FAXDC2: variants seen among roughly 807,000 people sequenced by gnomAD.
FAXDC2 encodes fatty acid hydroxylase domain containing 2.
Under a neutral mutation model 40.9 loss-of-function variants are expected in FAXDC2, and 41 were observed. The observed-to-expected ratio is 1.00, with a 90% CI of 0.78 to 1.30. FAXDC2 has a LOEUF of 1.30. FAXDC2 is among the 50% of genes most tolerant of loss of function. The pLI, the probability that FAXDC2 is intolerant of heterozygous loss-of-function variation, is 0.00. For missense variants in FAXDC2, 390 were observed against 408.8 expected (o/e 0.95, Z 0.40); for synonymous variants, 157 against 149.3 (o/e 1.05, Z -0.38).
intron 4 of FAXDC2, among the ~76,000 whole-genome samples, chr5:154,831,482 T>G (rs1467771071): frequency 6.6e-6 from 1 of 151,994 alleles, no homozygotes; most frequent in Non-Finnish European, 1.5e-5. Context: ...AAAGCCTCTC[T>G]CTGTCATCCA....
chr5:154,826,210 G>C (rs1363976943), intron 5 of FAXDC2, among the ~76,000 whole-genome samples: 1 of 152,084 alleles, frequency 6.6e-6, no homozygotes, highest in Non-Finnish European at 1.5e-5. Flanking sequence ...ATCAGGAAAG[G>C]GACAGTGAAA....
intron 8 of FAXDC2, 188 bp from the exon 9 acceptor site, chr5:154,820,660 C>G: frequency 4.0e-6 from 2 of 499,946 alleles, no homozygotes; most frequent in Non-Finnish European, 7.2e-6. Flanking sequence ...CACTCCAAAC[C>G]TGCAATTTGC....
intron 2 of FAXDC2, among the ~76,000 whole-genome samples, chr5:154,837,506 A>G (rs2044863307): frequency 6.6e-6 from 1 of 152,114 alleles, no homozygotes; most frequent in South Asian, 2.1e-4. Context: ...TTTTCCAGTT[A>G]TTCCTTTGTT....
Position 154,819,083 on chromosome 5 carries a change from C to T in FAXDC2, c.*1233G>A, listed in dbSNP as rs1759807901. 1 of 152,204 alleles carries T rather than the reference C, an allele frequency of 6.6e-6. No homozygotes were observed. 9.4% of individuals were successfully genotyped at this position (152,204 alleles called of 1,614,324 possible). ...GTCCTGCCTGGAGACTTGGACCTAG[C>T]TGATACTAAGGTATTTTATAAAGCT... On this transcript the variant is annotated 3_prime_UTR_variant, in exon 9 of 9. Transcript: ENST00000326080.
chr5:154,823,690 G>A, intron 5 of FAXDC2, 98 bp from the exon 6 acceptor site: 1 of 999,846 alleles, frequency 1.0e-6, no homozygotes, highest in Non-Finnish European at 1.5e-6. Flanking sequence ...TTGGATTCTG[G>A]GAGAGATGTC....
intron 5 of FAXDC2, among the ~76,000 whole-genome samples, chr5:154,825,058 TAAAAAAAA>T (rs70981952): frequency 1.1e-5 from 1 of 90,164 alleles, no homozygotes; most frequent in African/African-American, 4.5e-5. Context: ...CCAATCTTGT[TAAAAAAAA>T]AAAAAAAAAA....
chr5:154,835,701 C>T (rs1167061802), intron 2 of FAXDC2, among the ~76,000 whole-genome samples: 1 of 151,554 alleles, frequency 6.6e-6, no homozygotes, highest in Non-Finnish European at 1.5e-5. Flanking sequence ...CTGCCTCAGA[C>T]TCTGGAGTAG....
chr5:154,821,149 C>T (rs1759877267), intron 8 of FAXDC2, 111 bp downstream of exon 8: 1 of 920,312 alleles, frequency 1.1e-6, no homozygotes, highest in East Asian at 2.6e-5. Flanking sequence ...AGACCTCTTC[C>T]CCAACTAGCA....
intron 1 of FAXDC2, among the ~76,000 whole-genome samples, chr5:154,841,547 T>G (rs147853089): frequency 1.1e-3 from 161 of 152,262 alleles, no homozygotes; most frequent in Non-Finnish European, 1.8e-3. Flanking sequence ...CAGACATTAT[T>G]TAATAAATTG....
chr5:154,822,427 G>T, intron 7 of FAXDC2, 45 bp downstream of exon 7: 1 of 1,385,156 alleles, frequency 7.2e-7, no homozygotes, highest in Non-Finnish European at 1.0e-6. Context: ...GAAGGTGGTT[G>T]GGGCCATCTG....
chr5:154,842,374 A>AT (rs1280902160), intron 1 of FAXDC2, among the ~76,000 whole-genome samples: 1,816 of 116,258 alleles, frequency 0.016, 35 homozygotes, highest in African/African-American at 0.053. Flanking sequence ...ATTTTTTTGT[A>AT]TTTTTTTTTT....
At chr5:154,845,024 T>C (rs1453450588) in intron 1 of FAXDC2, among the ~76,000 whole-genome samples, 1 of 152,262 alleles carries the variant, frequency 6.6e-6, no homozygotes, top group Admixed American at 6.5e-5. Context: ...ATTTATCTGT[T>C]GACATCTCAT....
chr5:154,845,348 T>C (rs1760574016), intron 1 of FAXDC2, among the ~76,000 whole-genome samples: 1 of 152,234 alleles, frequency 6.6e-6, no homozygotes, highest in Non-Finnish European at 1.5e-5. Flanking sequence ...GTTAGAAATT[T>C]TGGCAAATAA....
At chr5:154,844,187 C>T (rs895933488) in intron 1 of FAXDC2, among the ~76,000 whole-genome samples, 1 of 151,584 alleles carries the variant, frequency 6.6e-6, no homozygotes, top group African/African-American at 2.4e-5. Context: ...CACTGCACTC[C>T]AGCCTAGGCA....
chr5:154,836,512 A>G (rs1368678323), intron 2 of FAXDC2, among the ~76,000 whole-genome samples: 1 of 152,176 alleles, frequency 6.6e-6, no homozygotes, highest in East Asian at 1.9e-4. Flanking sequence ...GGGTCTGCTC[A>G]TATTCTTTCA....
At chr5:154,846,700 TTACAACA>T (rs1760607457) in intron 1 of FAXDC2, among the ~76,000 whole-genome samples, 1 of 152,022 alleles carries the variant, frequency 6.6e-6, no homozygotes, top group African/African-American at 2.4e-5. Flanking sequence ...TTCTAATATT[TTACAACA>T]ATGAATGGAT....
intron 1 of FAXDC2, among the ~76,000 whole-genome samples, chr5:154,844,393 A>AAAAAG (rs1760548843): frequency 6.6e-6 from 1 of 151,962 alleles, no homozygotes; most frequent in Non-Finnish European, 1.5e-5. Context: ...AAAAAAAAAA[A>AAAAAG]AAAAGAAAAA....
intron 5 of FAXDC2, among the ~76,000 whole-genome samples, chr5:154,830,130 G>A (rs1446883702): frequency 1.3e-5 from 2 of 152,180 alleles, no homozygotes; most frequent in African/African-American, 4.8e-5. Flanking sequence ...GGTTTGGGTG[G>A]AGCTGGGTAA....
At chr5:154,834,396 T>C (rs1441929620) in intron 4 of FAXDC2, among the ~76,000 whole-genome samples, 1 of 152,216 alleles carries the variant, frequency 6.6e-6, no homozygotes, top group African/African-American at 2.4e-5. Context: ...TTCTTATTTT[T>C]CTATATTTTG....
Sources: gnomAD v4.1 joint callset for allele counts (sites outside exome capture counted in the v4.1 genomes callset) on GRCh38, gnomAD v4.1.1 for gene constraint, MANE v1.5 for transcripts, NCBI Gene and HGNC (gene_info 2026-07-23, HGNC 2026-07-21) for gene names.